SAMD4A: variants seen among roughly 807,000 people sequenced by gnomAD.
SAMD4A encodes the protein sterile alpha motif domain containing 4A, also known as protein Smaug homolog 1.
In SAMD4A, 33 loss-of-function variants were observed where a neutral mutation model predicts 81.3. The ratio of observed to expected loss-of-function variants is 0.41; its 90% CI spans 0.31 to 0.54. The LOEUF (loss-of-function observed/expected upper bound fraction) is 0.54. SAMD4A is among the 20% of genes least tolerant of loss of function. SAMD4A has a pLI of 0.37. For synonymous variants in SAMD4A, 389 were observed against 382.1 expected (o/e 1.02, Z -0.21); for missense variants, 854 against 951.1 (o/e 0.90, Z 1.34).
chr14:54,688,710 C>T (rs192232111), intron 2 of SAMD4A, among the ~76,000 whole-genome samples: 7 of 152,048 alleles, frequency 4.6e-5, no homozygotes, highest in African/African-American at 1.7e-4. Context: ...TAGGTCCTTG[C>T]CACTCTTTCA....
intron 2 of SAMD4A, among the ~76,000 whole-genome samples, chr14:54,634,105 G>A (rs752564659): frequency 1.4e-4 from 22 of 152,078 alleles, no homozygotes; most frequent in Non-Finnish European, 3.1e-4. Flanking sequence ...GGCCAAGATG[G>A]TGAAACCCTG....
intron 5 of SAMD4A, 45 bp downstream of exon 5, chr14:54,748,969 G>A: frequency 2.2e-6 from 3 of 1,393,794 alleles, no homozygotes. Flanking sequence ...GCCCCAGGCA[G>A]GACCTGAAGT....
At chr14:54,602,411 G>A (rs911525745) in intron 2 of SAMD4A, among the ~76,000 whole-genome samples, 5 of 151,498 alleles carry the variant, frequency 3.3e-5, no homozygotes, top group Non-Finnish European at 7.4e-5. Flanking sequence ...GGCTTTCAGG[G>A]ATGAAGATAC....
chr14:54,565,379 C>T (rs2032900112), upstream of SAMD4A, among the ~76,000 whole-genome samples: 1 of 152,260 alleles, frequency 6.6e-6, no homozygotes, highest in Admixed American at 6.5e-5. The surrounding 1 kb of genome is among the most constrained non-coding windows in gnomAD (Gnocchi z 5.4). Context: ...CGGCCACCTC[C>T]CCGGGGAAGA....
At chr14:54,657,472 T>C (rs2140450059) in intron 2 of SAMD4A, among the ~76,000 whole-genome samples, 1 of 152,330 alleles carries the variant, frequency 6.6e-6, no homozygotes. Flanking sequence ...CATCGCCAGA[T>C]GAGAAGTCAG....
intron 2 of SAMD4A, among the ~76,000 whole-genome samples, chr14:54,618,207 C>G (rs1005247604): frequency 6.6e-6 from 1 of 152,146 alleles, no homozygotes; most frequent in Non-Finnish European, 1.5e-5. Context: ...CAGTGGTGTG[C>G]TGGAGCCGCC....
At chr14:54,780,094 C>T (rs28695457) in intron 11 of SAMD4A, among the ~76,000 whole-genome samples, 15,234 of 152,094 alleles carry the variant, frequency 0.1, 2,146 homozygotes, top group African/African-American at 0.31. Context: ...AGGTTCTTTA[C>T]CCCCTGGAGG....
Position 54,791,817 on chromosome 14 carries a change from A to T in SAMD4A, c.*2873A>T, listed in dbSNP as rs2039264117. On this transcript the variant is annotated 3_prime_UTR_variant, in exon 13 of 13. Transcript: ENST00000554335. The stretch of plus-strand genomic sequence containing the variant: ...AAACAGTTGCATGCATGAGGCTGTG[A>T]AGTCAGATATTTAGTAATAAAAGCA... The T allele has an allele frequency of 6.6e-6, 1 of 152,226 alleles. No individual in the cohort carries two copies. Among genetic ancestry groups the T allele is most frequent in the South Asian group, 2.1e-4 (1 of 4,832 alleles). 9.4% of individuals were successfully genotyped at this position (152,226 alleles called of 1,614,324 possible).
intron 6 of SAMD4A, among the ~76,000 whole-genome samples, chr14:54,752,383 G>T (rs1173634228): frequency 6.6e-5 from 10 of 152,346 alleles, no homozygotes; most frequent in African/African-American, 2.4e-4. Flanking sequence ...CATGGGTACT[G>T]GGAGGCAAGA....
chr14:54,786,188 C>G (rs542078744), intron 12 of SAMD4A, among the ~76,000 whole-genome samples: 1 of 152,162 alleles, frequency 6.6e-6, no homozygotes, highest in Non-Finnish European at 1.5e-5. Context: ...CCAACCTATG[C>G]GATGCAGTGG....
Position 54,758,823 on chromosome 14 carries a change from C to G in SAMD4A, c.1177-1338C>G, listed in dbSNP as rs113410557. Among the ~76,000 whole-genome samples the G allele has an allele frequency of 2.1e-3, 313 of 151,878 alleles. 2 individuals carry two copies. Among genetic ancestry groups the G allele is most frequent in the African/African-American group, 7.3e-3 (304 of 41,412 alleles). ...CTGGCCTGGGCAACAGAGTAAGACT[C>G]TGTCTCCAAAAAAAAAAAAATTAAA... On this transcript the variant is annotated intron_variant, in intron 6 of 12. Coordinates refer to ENST00000554335, the MANE Select transcript of SAMD4A (RefSeq NM_015589.6).
intron 2 of SAMD4A, among the ~76,000 whole-genome samples, chr14:54,571,298 T>C (rs923958823): frequency 9.9e-5 from 15 of 152,208 alleles, no homozygotes; most frequent in African/African-American, 2.9e-4. Flanking sequence ...TTAACAGATA[T>C]GGTCATGATC....
chr14:54,682,170 A>G (rs1195805866), intron 2 of SAMD4A: 3 of 515,338 alleles, frequency 5.8e-6, no homozygotes, highest in Non-Finnish European at 7.5e-6. Context: ...TGCTGTGTGC[A>G]CAGAAGAATC....
chr14:54,780,995 TTTC>T (rs1253593419), intron 11 of SAMD4A, among the ~76,000 whole-genome samples: 1 of 152,120 alleles, frequency 6.6e-6, no homozygotes, highest in Non-Finnish European at 1.5e-5. Flanking sequence ...CTTGTCTTCC[TTTC>T]TTCTTTACTC....
At chr14:54,766,453 C>T (rs966505797) in intron 8 of SAMD4A, among the ~76,000 whole-genome samples, 13 of 152,094 alleles carry the variant, frequency 8.5e-5, no homozygotes, top group Non-Finnish European at 1.9e-4. Context: ...CCCTGAGTGC[C>T]CTGGAGCACA....
At chr14:54,788,873 G>T (rs372606523) in intron 12 of SAMD4A, 43 bp from the exon 13 acceptor site, 3 of 1,613,894 alleles carry the variant, frequency 1.9e-6, no homozygotes, top group Non-Finnish European at 2.5e-6. Context: ...GAACTGGATT[G>T]TTTTGCTCAC....
chr14:54,788,398 T>A (rs1296156756), intron 12 of SAMD4A, among the ~76,000 whole-genome samples: 1 of 152,160 alleles, frequency 6.6e-6, no homozygotes, highest in Non-Finnish European at 1.5e-5. Flanking sequence ...TCCTTCATCC[T>A]AAACCTCCAA....
At chr14:54,572,762 G>A (rs990417560) in intron 2 of SAMD4A, among the ~76,000 whole-genome samples, 2 of 152,180 alleles carry the variant, frequency 1.3e-5, no homozygotes, top group Non-Finnish European at 2.9e-5. Flanking sequence ...TTGTCCGGAA[G>A]TTACTTGTTA....
At position 54,607,609 on chromosome 14, in the gene SAMD4A, C is replaced by T. The variant is rs1566544759; in HGVS notation, c.196+39497C>T. Among the ~76,000 whole-genome samples the T allele has an allele frequency of 5.3e-5, 8 of 151,826 alleles. No homozygotes were observed. The South Asian group carries it at 1.7e-3, about 32-fold the overall frequency. On this transcript the variant is annotated intron_variant, in intron 2 of 12. Coordinates refer to ENST00000554335, the MANE Select transcript of SAMD4A (RefSeq NM_015589.6). Reference sequence around the variant, plus strand: ...TAGTTGGGACTACAGGCGCCCGCCACCATGCCCGGCTAATTTTTCTATTTT... The same window carrying T: ...TAGTTGGGACTACAGGCGCCCGCCATCATGCCCGGCTAATTTTTCTATTTT...
Sources: allele counts gnomAD v4.1 joint callset (sites outside exome capture counted in the v4.1 genomes callset), GRCh38; gene constraint gnomAD v4.1.1; non-coding constraint Gnocchi (gnomAD v3.1); transcripts MANE v1.5; gene names NCBI Gene and HGNC (gene_info 2026-07-23, HGNC 2026-07-21).